Variants in TM4SF5 observed in about 807,000 individuals in gnomAD.
TM4SF5 encodes transmembrane 4 L6 family member 5.
A neutral mutation model predicts 22.3 loss-of-function variants in TM4SF5; 16 were observed. That is an observed-to-expected ratio of 0.72 (90% CI 0.49 to 1.09). The LOEUF (loss-of-function observed/expected upper bound fraction) is 1.09. Among genes scored for constraint, TM4SF5 ranks in the 50% least tolerant of loss-of-function variants. TM4SF5 has a pLI of 0.00. For synonymous variants in TM4SF5, 113 were observed against 109.6 expected (o/e 1.03, Z -0.19); for missense variants, 249 against 266.1 (o/e 0.94, Z 0.45).
chr17:4,777,809 G>A (rs759830793), intron 1 of TM4SF5, among the ~76,000 whole-genome samples: 3 of 151,860 alleles, frequency 2.0e-5, no homozygotes, highest in South Asian at 2.1e-4. Context: ...ACCTGAACAC[G>A]GGAGGCAGAG....
rs1917119105 is a variant in TM4SF5, at chr17:4,772,057, G to T, written c.135G>T (p.Leu45Phe). ...TSWTNTNHLS[L>F]QVWLMGGFIG... ...GGACCAACACCAACCATCTCAGCTT[G>T]CAAGTCTGGCTCATGGGCGGCTTCA... Residue 45 changes from leucine to phenylalanine, a missense_variant, in exon 1 of 5, where the codon TTG becomes TTT. Physicochemically the swap from Leu to Phe is conservative, Grantham distance 22 (BLOSUM62 0). Coordinates refer to ENST00000270560, the MANE Select transcript of TM4SF5 (RefSeq NM_003963.3). The T allele has an allele frequency of 6.2e-7, 1 of 1,614,102 alleles. No homozygotes were observed. The highest frequency in any genetic ancestry group is 1.3e-5 in the African/African-American group (1 of 74,946).
intron 2 of TM4SF5, among the ~76,000 whole-genome samples, chr17:4,781,423 C>T (rs937184755): frequency 6.0e-5 from 9 of 150,936 alleles, no homozygotes; most frequent in South Asian, 2.1e-4. Flanking sequence ...CAGGAGATTA[C>T]GGTGAGCCAA....
chr17:4,775,255 TGAA>T (rs1917183927), intron 1 of TM4SF5, among the ~76,000 whole-genome samples: 1 of 151,608 alleles, frequency 6.6e-6, no homozygotes, highest in South Asian at 2.1e-4. Flanking sequence ...AGAAAACTAT[TGAA>T]GGACTTTTTT....
At position 4,773,434 on chromosome 17, in the gene TM4SF5, A is replaced by T. The variant is rs57692806; in HGVS notation, c.177+1335A>T. 8.1e-3 allele frequency among the ~76,000 whole-genome samples: 1,228 copies of T among 152,234 alleles called. 16 individuals are homozygous for T. Among genetic ancestry groups the T allele is most frequent in the African/African-American group, 0.029 (1,184 of 41,530 alleles). On this transcript the variant is annotated intron_variant, in intron 1 of 4. Transcript: ENST00000270560. ...TCCACCCATTCAGGGAAACTTTGGG[A>T]TGGTCAACCTCGTTTAATATCTTCA...
At chr17:4,773,012 C>T (rs1162667910) in intron 1 of TM4SF5, among the ~76,000 whole-genome samples, 2 of 152,214 alleles carry the variant, frequency 1.3e-5, no homozygotes, top group African/African-American at 4.8e-5. Context: ...TTAAGCAATT[C>T]TCCTGCCTCA....
intron 1 of TM4SF5, among the ~76,000 whole-genome samples, chr17:4,777,090 G>A (rs184502096): frequency 2.0e-5 from 3 of 151,754 alleles, no homozygotes; most frequent in East Asian, 1.9e-4. Context: ...CCAGCTACTC[G>A]GAAGGCTGAG....
In TM4SF5 at chr17:4,782,424, T is replaced by C. The variant is rs1027962340; in HGVS notation, c.259-79T>C. 2.1e-5 allele frequency: 33 copies of C among 1,550,198 alleles called. No homozygotes were observed. In the South Asian group the frequency reaches 3.5e-4, roughly 16 times the overall value. ...ACCCGACTGGAGCAGATTTCGATAATGCGTGGGGGCTGGCGCTGAGCGTCG... is the reference window on the plus strand; with the variant it reads ...ACCCGACTGGAGCAGATTTCGATAACGCGTGGGGGCTGGCGCTGAGCGTCG... On this transcript the variant is annotated intron_variant, in intron 2 of 4. Transcript: ENST00000270560.
intron 1 of TM4SF5, among the ~76,000 whole-genome samples, chr17:4,778,651 T>G (rs1361978374): frequency 6.6e-6 from 1 of 151,912 alleles, no homozygotes; most frequent in Admixed American, 6.6e-5. Flanking sequence ...GCAAGACAGC[T>G]GTGGAATTCC....
chr17:4,772,936 G>T (rs1249869074), intron 1 of TM4SF5, among the ~76,000 whole-genome samples: 1 of 150,766 alleles, frequency 6.6e-6, no homozygotes, highest in Non-Finnish European at 1.5e-5. Context: ...ACGGAGTCTC[G>T]CTCTGTCGCC....
At chr17:4,772,966 G>T (rs558738614) in intron 1 of TM4SF5, among the ~76,000 whole-genome samples, 7 of 151,906 alleles carry the variant, frequency 4.6e-5, no homozygotes, top group African/African-American at 1.5e-4. Context: ...GTGCAGTGGC[G>T]CCATCTCCGT....
chr17:4,778,371 T>C (rs1917243198), intron 1 of TM4SF5, among the ~76,000 whole-genome samples: 1 of 150,838 alleles, frequency 6.6e-6, no homozygotes, highest in Non-Finnish European at 1.5e-5. Context: ...TCCCAGCAAT[T>C]TGGGAGGCTG....
At chr17:4,776,756 T>C (rs879549600) in intron 1 of TM4SF5, among the ~76,000 whole-genome samples, 1 of 152,210 alleles carries the variant, frequency 6.6e-6, no homozygotes, top group Non-Finnish European at 1.5e-5. Context: ...TCTTAAGACA[T>C]GCAAGTATTC....
At chr17:4,779,488 T>A (rs1475855335) in intron 1 of TM4SF5, among the ~76,000 whole-genome samples, 3 of 150,010 alleles carry the variant, frequency 2.0e-5, no homozygotes, top group Non-Finnish European at 4.4e-5. Context: ...GAGTGTAGGG[T>A]GGCATGGGGC....
chr17:4,777,234 G>A (rs1167306746), intron 1 of TM4SF5, among the ~76,000 whole-genome samples: 1 of 151,706 alleles, frequency 6.6e-6, no homozygotes, highest in Admixed American at 6.6e-5. Flanking sequence ...ACCAAACTGA[G>A]GTCACGGAAG....
chr17:4,775,832 A>G (rs1917194035), intron 1 of TM4SF5, among the ~76,000 whole-genome samples: 1 of 152,016 alleles, frequency 6.6e-6, no homozygotes, highest in South Asian at 2.1e-4. Context: ...TGCACTTTAC[A>G]CAAATGGAAT....
chr17:4,775,755 A>C (rs1425337659), intron 1 of TM4SF5, among the ~76,000 whole-genome samples: 2 of 152,152 alleles, frequency 1.3e-5, no homozygotes, highest in Non-Finnish European at 2.9e-5. Flanking sequence ...GGAACCCCAG[A>C]ATCACTTCAC....
chr17:4,775,898 G>A (rs755810982), intron 1 of TM4SF5, among the ~76,000 whole-genome samples: 2 of 152,062 alleles, frequency 1.3e-5, no homozygotes, highest in African/African-American at 2.4e-5. Context: ...AGGCTGGAGT[G>A]CAGTGGCGCT....
rs535719580 is a variant in TM4SF5 at position 4,782,622 on chromosome 17, C to T, written c.378C>T (p.Tyr126=). ...GCTTAATGAACGGCGAGTGGGGCTA[C>T]CACTTCGAAGACACCGCGTAAGGTT... The part of the protein sequence containing the change: ...PRCLMNGEWG[Y]HFEDTAGAYL... The change falls in exon 3 of 5, where the codon TAC becomes TAT. Residue 126 remains tyrosine, a synonymous_variant. Transcript: ENST00000270560. 155 of 1,614,128 alleles carry T rather than the reference C, an allele frequency of 9.6e-5. 1 individual carries two copies. The South Asian group carries it at 1.6e-3, about 17-fold the overall frequency.
rs780260732 is a variant in TM4SF5 at position 4,775,931 on chromosome 17, G to A, written c.177+3832G>A. ...GCTATCTCAGCTCACTGCAACCTCC[G>A]CCTCCCAGGTTCAAATGATTCTCAT... On this transcript the variant is annotated intron_variant, in intron 1 of 4. Coordinates refer to ENST00000270560, the MANE Select transcript of TM4SF5 (RefSeq NM_003963.3). Among the ~76,000 whole-genome samples, 8 of 152,010 alleles carry A rather than the reference G, an allele frequency of 5.3e-5. No homozygotes were observed. In the South Asian group the frequency reaches 6.2e-4, roughly 12 times the overall value.
Sources: gnomAD v4.1 joint callset for allele counts (sites outside exome capture counted in the v4.1 genomes callset) on GRCh38, gnomAD v4.1.1 for gene constraint, MANE v1.5 for transcripts, NCBI Gene and HGNC (gene_info 2026-07-23, HGNC 2026-07-21) for gene names.